MIF: variants seen among roughly 807,000 people sequenced by gnomAD.
The protein encoded by MIF is L-dopachrome isomerase.
A neutral mutation model predicts 11.3 loss-of-function variants in MIF; 16 were observed. The observed-to-expected ratio is 1.42, with a 90% CI of 0.96 to 2.16. MIF has a LOEUF of 2.16. Among genes scored for constraint, MIF ranks in the 30% most tolerant of loss-of-function variants. MIF has a pLI of 0.00. For missense variants in MIF, 229 were observed against 165.3 expected (o/e 1.39, Z -2.11); for synonymous variants, 83 against 74.2 (o/e 1.12, Z -0.61).
At position 23,894,742 on chromosome 22, in the gene MIF, G is replaced by T. The variant is rs1462198522; in HGVS notation, c.109-30G>T. 4 of 1,497,816 alleles carry T rather than the reference G, an allele frequency of 2.7e-6. No homozygotes were observed. The East Asian group carries it at 9.9e-5, about 37-fold the overall frequency. The allele number at this position is 1,497,816 out of a possible 1,614,324, so 92.8% of individuals were successfully genotyped here. On this transcript the variant is annotated intron_variant, in intron 1 of 2. Transcript: ENST00000215754. Reference sequence around the variant, plus strand: ...CGTTCGGGGCCCGACGAGGTCGCTGGGGCGGGCTGACCGCGCCCTTTCCTC... The same window carrying T: ...CGTTCGGGGCCCGACGAGGTCGCTGTGGCGGGCTGACCGCGCCCTTTCCTC...
intron 2 of MIF, 46 bp from the exon 3 acceptor site, chr22:23,894,994 G>A (rs200076929): frequency 1.2e-4 from 184 of 1,541,994 alleles, no homozygotes; most frequent in Non-Finnish European, 1.5e-4. Context: ...GCGCGGCCAG[G>A]CCCGGGACTG....
At chr22:23,894,642 G>GCTCCC in intron 1 of MIF, 60 bp downstream of exon 1, 1 of 1,523,878 alleles carries the variant, frequency 6.6e-7, no homozygotes, top group Non-Finnish European at 9.0e-7. Flanking sequence ...TCCGCGCTGG[G>GCTCCC]AGCTGGGGAG....
Position 23,894,421 on chromosome 22 carries a change from G to T in MIF, c.-54G>T. ...AAGTCAGGCACGTAGCTCAGCGGCG[G>T]CCGCGGCGCGTGCGTCTGTGCCTCT... is the stretch of plus-strand genomic sequence containing the variant. On this transcript the variant is annotated 5_prime_UTR_variant, in exon 1 of 3. Transcript: ENST00000215754. 6.9e-7 allele frequency: 1 copy of T among 1,445,060 alleles called. No individual in the cohort carries two copies. The highest frequency in any genetic ancestry group is 1.1e-5 in the South Asian group (1 of 87,278). 89.5% of individuals were successfully genotyped at this position (1,445,060 alleles called of 1,614,324 possible). A position where few individuals can be genotyped will look rare whatever the true frequency, so the allele number is the denominator to read the frequency against.
chr22:23,895,018 G>A (rs1440730132), intron 2 of MIF, 22 bp from the exon 3 acceptor site: 1 of 1,541,932 alleles, frequency 6.5e-7, no homozygotes, highest in Non-Finnish European at 8.8e-7. Context: ...CACCCGCTGA[G>A]TCCGGCCTCC....
chr22:23,894,408 T>G lies in MIF; in HGVS notation c.-67T>G. The G allele has an allele frequency of 7.6e-7, 1 of 1,314,198 alleles. No individual in the cohort carries two copies. The highest frequency in any genetic ancestry group is 1.1e-6 in the Non-Finnish European group (1 of 911,198). The allele number at this position is 1,314,198 out of a possible 1,614,324, so 81.4% of individuals were successfully genotyped here. On this transcript the variant is annotated 5_prime_UTR_variant, in exon 1 of 3. Coordinates refer to ENST00000215754, the MANE Select transcript of MIF (RefSeq NM_002415.2). ...AGTGGTGTCCGAGAAGTCAGGCACG[T>G]AGCTCAGCGGCGGCCGCGGCGCGTG...
chr22:23,895,042 T>C lies in MIF; in HGVS notation c.284T>C (p.Val95Ala). ...AERLRISPDRVYINYYDMNAA... is the reference protein window; with the variant it reads ...AERLRISPDRAYINYYDMNAA... ...AGTCCGGCCTCCTCCCCCCGCAGGG[T>C]CTACATCAACTATTACGACATGAAC... is the stretch of plus-strand genomic sequence containing the variant. Residue 95 changes from valine to alanine, a missense_variant and splice_region_variant, in exon 3 of 3, where the codon GTC becomes GCC. Coordinates refer to ENST00000215754, the MANE Select transcript of MIF (RefSeq NM_002415.2). The C allele has an allele frequency of 6.4e-7, 1 of 1,552,018 alleles. No individual in the cohort carries two copies. The highest frequency in any genetic ancestry group is 8.7e-7 in the Non-Finnish European group (1 of 1,147,342).
chr22:23,894,795 G>T lies in MIF; in HGVS notation c.132G>T (p.Pro44=). 1 of 1,551,636 alleles carries T rather than the reference G, an allele frequency of 6.4e-7. No individual in the cohort carries two copies. The highest frequency in any genetic ancestry group is 8.7e-7 in the Non-Finnish European group (1 of 1,152,940). Residue 44 remains proline, a synonymous_variant, in exon 2 of 3, where the codon CCG becomes CCT. Coordinates refer to ENST00000215754, the MANE Select transcript of MIF (RefSeq NM_002415.2). ...PPQYIAVHVV[P]DQLMAFGGSS... is the part of the protein sequence containing the mutation. ...AGTACATCGCGGTGCACGTGGTCCC[G>T]GACCAGCTCATGGCCTTCGGCGGCT...
rs200403178 is a variant in MIF at position 23,894,912 on chromosome 22, G to A, written c.249G>A (p.Leu83=). ...NRSYSKLLCG[L]LAERLRISPD... ...CCTACAGCAAGCTGCTGTGCGGCCTGCTGGCCGAGCGCCTGCGCATCAGCC... is the reference window on the plus strand; with the variant it reads ...CCTACAGCAAGCTGCTGTGCGGCCTACTGGCCGAGCGCCTGCGCATCAGCC... Residue 83 remains leucine, a synonymous_variant, in exon 2 of 3, where the codon CTG becomes CTA. Transcript: ENST00000215754. The A allele has an allele frequency of 3.2e-6, 5 of 1,553,826 alleles. No homozygotes were observed. Among genetic ancestry groups the A allele is most frequent in the Admixed American group, 1.9e-5 (1 of 51,582 alleles).
intron 1 of MIF, 31 bp from the exon 2 acceptor site, chr22:23,894,741 G>C (rs1235287911): frequency 6.0e-6 from 9 of 1,496,786 alleles, no homozygotes; most frequent in Non-Finnish European, 8.0e-6. Context: ...CGAGGTCGCT[G>C]GGGCGGGCTG....
At position 23,895,034 on chromosome 22, in the gene MIF, C is replaced by T. The variant is rs2070766; in HGVS notation, c.282-6C>T. 99 of 1,545,980 alleles carry T rather than the reference C, an allele frequency of 6.4e-5. No homozygotes were observed. The highest frequency in any genetic ancestry group is 8.0e-5 in the Non-Finnish European group (92 of 1,143,940). ...ACCCGCTGAGTCCGGCCTCCTCCCC[C>T]CGCAGGGTCTACATCAACTATTACG... On this transcript the variant is annotated splice_region_variant and splice_polypyrimidine_tract_variant and intron_variant, in intron 2 of 2. Coordinates refer to ENST00000215754, the MANE Select transcript of MIF (RefSeq NM_002415.2).
rs977842697 is a variant in MIF at position 23,894,904 on chromosome 22, T to A, written c.241T>A (p.Cys81Ser). 6.4e-6 allele frequency: 10 copies of A among 1,553,694 alleles called. No individual in the cohort carries two copies. The highest frequency in any genetic ancestry group is 8.7e-6 in the Non-Finnish European group (10 of 1,150,464). The change falls in exon 2 of 3, where the codon TGC (cysteine) becomes AGC (serine). Residue 81 changes from cysteine (C) to serine (S), a missense_variant. By Grantham distance (112) the Cys-to-Ser change is moderately radical (BLOSUM62 -1). Coordinates refer to ENST00000215754, the MANE Select transcript of MIF (RefSeq NM_002415.2). ...AQNRSYSKLL[C>S]GLLAERLRIS... ...GAACCGCTCCTACAGCAAGCTGCTG[T>A]GCGGCCTGCTGGCCGAGCGCCTGCG...
chr22:23,894,827 A>T lies in MIF; in HGVS notation c.164A>T (p.Glu55Val). Residue 55 changes from glutamate to valine, a missense_variant, in exon 2 of 3, where the codon GAG becomes GTG. Coordinates refer to ENST00000215754, the MANE Select transcript of MIF (RefSeq NM_002415.2). Reference sequence around the variant, plus strand: ...CTCATGGCCTTCGGCGGCTCCAGCGAGCCGTGCGCGCTCTGCAGCCTGCAC... The same window carrying T: ...CTCATGGCCTTCGGCGGCTCCAGCGTGCCGTGCGCGCTCTGCAGCCTGCAC... ...DQLMAFGGSS[E>V]PCALCSLHSI... 1 of 1,555,312 alleles carries T rather than the reference A, an allele frequency of 6.4e-7. No homozygotes were observed. The highest frequency in any genetic ancestry group is 1.2e-5 in the South Asian group (1 of 85,610).
rs751188953 is a variant in MIF, at chr22:23,894,583, G to C, written c.108+1G>C. 3.7e-6 allele frequency: 6 copies of C among 1,611,758 alleles called. No individual in the cohort carries two copies. Among genetic ancestry groups the C allele is most frequent in the Non-Finnish European group, 4.2e-6 (5 of 1,179,276 alleles). The stretch of plus-strand genomic sequence containing the variant: ...GCAGGCCACCGGCAAGCCCCCCCAG[G>C]TTTGCCGGGAGGGGACAGGAAGAGG... On this transcript the variant is annotated splice_donor_variant, in intron 1 of 2. Transcript: ENST00000215754. LOFTEE classifies it high-confidence loss of function.
rs1803976 is a variant in MIF at position 23,895,075 on chromosome 22, A to G, written c.317A>G (p.Asn106Ser). 3.2e-5 allele frequency: 50 copies of G among 1,559,718 alleles called. No homozygotes were observed. In the Admixed American group the frequency reaches 3.3e-4, roughly 10 times the overall value. Reference sequence around the variant, plus strand: ...AACTATTACGACATGAACGCGGCCAATGTGGGCTGGAACAACTCCACCTTC... The same window carrying G: ...AACTATTACGACATGAACGCGGCCAGTGTGGGCTGGAACAACTCCACCTTC... ...YINYYDMNAA[N>S]VGWNNSTFA Residue 106 changes from asparagine to serine, a missense_variant, in exon 3 of 3, where the codon AAT becomes AGT. Coordinates refer to ENST00000215754, the MANE Select transcript of MIF (RefSeq NM_002415.2).
chr22:23,894,859 G>C lies in MIF; in HGVS notation c.196G>C (p.Gly66Arg). 1 of 1,555,026 alleles carries C rather than the reference G, an allele frequency of 6.4e-7. No individual in the cohort carries two copies. The highest frequency in any genetic ancestry group is 8.7e-7 in the Non-Finnish European group (1 of 1,153,814). Reference protein sequence around the residue: ...PCALCSLHSIGKIGGAQNRSY... With the variant: ...PCALCSLHSIRKIGGAQNRSY... ...CGCGCTCTGCAGCCTGCACAGCATC[G>C]GCAAGATCGGCGGCGCGCAGAACCG... The change falls in exon 2 of 3, where the codon GGC becomes CGC. Residue 66 changes from glycine (G) to arginine (R), a missense_variant. Transcript: ENST00000215754.
chr22:23,894,578 C>G lies in MIF; in HGVS notation c.104C>G (p.Pro35Arg). ...QQLAQATGKP[P>R]QYIAVHVVPD... ...CTGGCGCAGGCCACCGGCAAGCCCCCCCAGGTTTGCCGGGAGGGGACAGGA... is the reference window on the plus strand; with the variant it reads ...CTGGCGCAGGCCACCGGCAAGCCCCGCCAGGTTTGCCGGGAGGGGACAGGA... The change falls in exon 1 of 3, where the codon CCC (proline) becomes CGC (arginine). Residue 35 changes from proline (P) to arginine (R), a missense_variant. Coordinates refer to ENST00000215754, the MANE Select transcript of MIF (RefSeq NM_002415.2). 6.2e-7 allele frequency: 1 copy of G among 1,612,322 alleles called. No homozygotes were observed. Among genetic ancestry groups the G allele is most frequent in the Non-Finnish European group, 8.5e-7 (1 of 1,179,420 alleles).
In MIF at chr22:23,895,193, T is replaced by G; in HGVS notation, c.*87T>G. The G allele has an allele frequency of 7.5e-7, 1 of 1,335,396 alleles. No individual in the cohort carries two copies. Among genetic ancestry groups the G allele is most frequent in the Non-Finnish European group, 1.1e-6 (1 of 950,148 alleles). The allele number at this position is 1,335,396 out of a possible 1,614,324, so 82.7% of individuals were successfully genotyped here. ...TCTAGGCCCGCCCACCCCAACCTTC[T>G]GGTGGGGAGAAATAAACGGTTTAGA... On this transcript the variant is annotated 3_prime_UTR_variant, in exon 3 of 3. Coordinates refer to ENST00000215754, the MANE Select transcript of MIF (RefSeq NM_002415.2).
Position 23,895,033 on chromosome 22 carries a change from C to T in MIF, c.282-7C>T, listed in dbSNP as rs35625249. 2 of 1,546,016 alleles carry T rather than the reference C, an allele frequency of 1.3e-6. No individual in the cohort carries two copies. The highest frequency in any genetic ancestry group is 2.0e-5 in the Admixed American group (1 of 51,230). On this transcript the variant is annotated splice_region_variant and splice_polypyrimidine_tract_variant and intron_variant, in intron 2 of 2. Transcript: ENST00000215754. The stretch of plus-strand genomic sequence containing the variant: ...CACCCGCTGAGTCCGGCCTCCTCCC[C>T]CCGCAGGGTCTACATCAACTATTAC...
Position 23,894,836 on chromosome 22 carries a change from C to T in MIF, c.173C>T (p.Ala58Val), listed in dbSNP as rs767129873. ...MAFGGSSEPC[A>V]LCSLHSIGKI... ...TTCGGCGGCTCCAGCGAGCCGTGCG[C>T]GCTCTGCAGCCTGCACAGCATCGGC... Residue 58 changes from alanine to valine, a missense_variant, in exon 2 of 3, where the codon GCG becomes GTG. Physicochemically the swap from Ala to Val is moderately conservative, Grantham distance 64 (BLOSUM62 0). Transcript: ENST00000215754. The T allele has an allele frequency of 5.1e-6, 8 of 1,554,546 alleles. No individual in the cohort carries two copies. In the South Asian group the frequency reaches 7.0e-5, roughly 14 times the overall value.
Sources: allele counts gnomAD v4.1 joint callset, GRCh38; gene constraint gnomAD v4.1.1; transcripts MANE v1.5; gene names NCBI Gene and HGNC (gene_info 2026-07-23, HGNC 2026-07-21).